RORB: variants seen among roughly 807,000 people sequenced by gnomAD.
The protein encoded by RORB is RAR related orphan receptor B.
RORB carries 6 observed loss-of-function variants against 59.1 expected under a neutral mutation model. The ratio of observed to expected loss-of-function variants is 0.10; its 90% confidence interval spans 0.06 to 0.20. The LOEUF (loss-of-function observed/expected upper bound fraction) is 0.20. Ranked by LOEUF, RORB falls within the 10% of genes least tolerant of loss-of-function variation. The pLI is 1.00. For synonymous variants in RORB, 215 were observed against 204.5 expected, an observed-to-expected ratio of 1.05 and a Z score of -0.44; for missense variants, 320 against 560.5, an observed-to-expected ratio of 0.57 and a Z score of 4.33.
chr9:74,668,155 C>T (rs570739363), intron 8 of RORB, among the ~76,000 whole-genome samples: 24 of 152,258 alleles, frequency 1.6e-4, no homozygotes, highest in African/African-American at 5.5e-4. Flanking sequence ...AGAATCATTC[C>T]TTAGCAAATA....
intron 9 of RORB, among the ~76,000 whole-genome samples, chr9:74,682,829 C>T (rs780759982): frequency 3.3e-5 from 5 of 152,164 alleles, no homozygotes; most frequent in Admixed American, 6.5e-5. Context: ...TGGCTTCAAG[C>T]GATCCTCTTG....
chr9:74,641,776 A>G (rs1360966251), intron 3 of RORB, among the ~76,000 whole-genome samples: 1 of 151,838 alleles, frequency 6.6e-6, no homozygotes, highest in Non-Finnish European at 1.5e-5. Flanking sequence ...ACCTGGCGGC[A>G]TGCACCTGCA....
intron 8 of RORB, 99 bp from the exon 9 acceptor site, chr9:74,671,690 A>G (rs1025162219): frequency 4.8e-6 from 3 of 629,818 alleles, no homozygotes; most frequent in Non-Finnish European, 8.3e-6. Context: ...ACTTAGAACT[A>G]AATAATATGA....
rs546396291 is a variant in RORB at position 74,509,704 on chromosome 9, A to G, written c.7+11721A>G. On this transcript the variant is annotated intron_variant, in intron 1 of 9. Transcript: ENST00000376896. ...ACCTGATCTTAATTAATTTTGTCTG[A>G]TTGACTGAGACTGGAACTCTCATCA... is the stretch of plus-strand genomic sequence containing the variant. Among the ~76,000 whole-genome samples the G allele has an allele frequency of 2.6e-5, 4 of 152,030 alleles. No individual in the cohort carries two copies. The East Asian group carries it at 7.7e-4, about 29-fold the overall frequency.
chr9:74,577,409 T>C (rs1448686285), intron 1 of RORB, among the ~76,000 whole-genome samples: 1 of 152,152 alleles, frequency 6.6e-6, no homozygotes, highest in African/African-American at 2.4e-5. Flanking sequence ...TAGTTTCCTT[T>C]GCTCTTCCTC....
At chr9:74,614,795 C>T (rs954341947) in intron 1 of RORB, among the ~76,000 whole-genome samples, 1 of 152,026 alleles carries the variant, frequency 6.6e-6, no homozygotes, top group African/African-American at 2.4e-5. Flanking sequence ...ATATTTTGTT[C>T]CCATGGAAGT....
At chr9:74,548,685 T>A (rs1207590634) in intron 1 of RORB, among the ~76,000 whole-genome samples, 1 of 152,186 alleles carries the variant, frequency 6.6e-6, no homozygotes, top group Non-Finnish European at 1.5e-5. Flanking sequence ...ACTTCGAAAG[T>A]AATAACTGGT....
chr9:74,512,821 T>C (rs1233935263), intron 1 of RORB, among the ~76,000 whole-genome samples: 1 of 152,120 alleles, frequency 6.6e-6, no homozygotes, highest in Non-Finnish European at 1.5e-5. Flanking sequence ...AATAATCTCA[T>C]TTCCACTCCA....
At chr9:74,538,674 C>A (rs1352105690) in intron 1 of RORB, among the ~76,000 whole-genome samples, 1 of 151,094 alleles carries the variant, frequency 6.6e-6, no homozygotes, top group Non-Finnish European at 1.5e-5. Flanking sequence ...ACAGATTATA[C>A]CTGATCTACT....
chr9:74,525,291 T>C (rs1826141497), intron 1 of RORB, among the ~76,000 whole-genome samples: 1 of 151,956 alleles, frequency 6.6e-6, no homozygotes, highest in Non-Finnish European at 1.5e-5. Context: ...TATTGATTTT[T>C]CATTACTAGC....
intron 1 of RORB, among the ~76,000 whole-genome samples, chr9:74,508,502 A>C (rs1825896622): frequency 6.6e-6 from 1 of 152,056 alleles, no homozygotes; most frequent in African/African-American, 2.4e-5. Context: ...ATTGATTAAG[A>C]GTAAAAGCCA....
chr9:74,654,781 A>G (rs1343617925), intron 4 of RORB, among the ~76,000 whole-genome samples: 2 of 152,202 alleles, frequency 1.3e-5, no homozygotes, highest in African/African-American at 4.8e-5. Context: ...TTGGATTCCA[A>G]TAAGCCTTCC....
intron 1 of RORB, among the ~76,000 whole-genome samples, chr9:74,510,177 C>A (rs927299936): frequency 6.6e-6 from 1 of 152,040 alleles, no homozygotes; most frequent in Non-Finnish European, 1.5e-5. Context: ...ATAGAATGGT[C>A]CTGACACCCA....
chr9:74,522,396 A>G (rs79439737), intron 1 of RORB, among the ~76,000 whole-genome samples: 4,918 of 151,858 alleles, frequency 0.032, 258 homozygotes, highest in African/African-American at 0.11. Flanking sequence ...AATAGAAGGT[A>G]GAATTCACCT....
chr9:74,501,631 A>G (rs1825804858), intron 1 of RORB, among the ~76,000 whole-genome samples: 1 of 152,238 alleles, frequency 6.6e-6, no homozygotes, highest in African/African-American at 2.4e-5. Flanking sequence ...ACTATTGTTG[A>G]AATAATATAT....
intron 1 of RORB, among the ~76,000 whole-genome samples, chr9:74,509,722 T>A (rs186982718): frequency 6.6e-6 from 1 of 152,226 alleles, no homozygotes; most frequent in East Asian, 1.9e-4. Context: ...AGACTGGAAC[T>A]CTCATCAACA....
At chr9:74,551,994 A>G (rs1001735312) in intron 1 of RORB, among the ~76,000 whole-genome samples, 1 of 152,180 alleles carries the variant, frequency 6.6e-6, no homozygotes, top group African/African-American at 2.4e-5. Flanking sequence ...TATTGAAAGG[A>G]CAAAGGACGG....
intron 1 of RORB, among the ~76,000 whole-genome samples, chr9:74,560,551 G>C (rs1822380125): frequency 6.6e-6 from 1 of 151,954 alleles, no homozygotes; most frequent in Non-Finnish European, 1.5e-5. Flanking sequence ...GAAGTTTTTA[G>C]ATTTGGTAGA....
chr9:74,580,500 T>A (rs1161353260), intron 1 of RORB, among the ~76,000 whole-genome samples: 3 of 152,096 alleles, frequency 2.0e-5, no homozygotes, highest in Admixed American at 1.3e-4. Context: ...AAGAGTAAAG[T>A]CTCATTGGTA....
Sources: gnomAD v4.1 joint callset for allele counts (sites outside exome capture counted in the v4.1 genomes callset) on GRCh38, gnomAD v4.1.1 for gene constraint, MANE v1.5 for transcripts, NCBI Gene and HGNC (gene_info 2026-07-23, HGNC 2026-07-21) for gene names.